SNTG1: variants seen among roughly 807,000 people sequenced by gnomAD.
SNTG1 encodes the protein gamma-1-syntrophin.
SNTG1 carries 39 observed loss-of-function variants against 74.7 expected under a neutral mutation model. That is an observed-to-expected ratio of 0.52 (90% CI 0.40 to 0.68). The LOEUF is 0.68. Ranked by LOEUF, SNTG1 falls within the 30% of genes least tolerant of loss-of-function variation. SNTG1 has a pLI of 0.00. For missense variants in SNTG1, 685 were observed against 609.5 expected (o/e 1.12, Z -1.30); for synonymous variants, 254 against 217.1 (o/e 1.17, Z -1.49).
intron 1 of SNTG1, among the ~76,000 whole-genome samples, chr8:49,945,201 T>G (rs866758494): frequency 1.3e-5 from 2 of 152,194 alleles, no homozygotes; most frequent in Non-Finnish European, 2.9e-5. Flanking sequence ...TCTTTGGATT[T>G]ACATTGTTCA....
rs368921543 is a variant in SNTG1 at position 50,061,104 on chromosome 8, G to T, written c.-102-111457G>T. On this transcript the variant is annotated intron_variant, in intron 1 of 18. Coordinates refer to ENST00000642720, the MANE Select transcript of SNTG1 (RefSeq NM_018967.5). ...ATCTCTTCTTTAATTTTATGAAAGG[G>T]GCTGTGTAAAATTATTGTTAAAAGC... Among the ~76,000 whole-genome samples the T allele has an allele frequency of 5.4e-4, 82 of 152,196 alleles. 2 individuals carry two copies. The highest frequency in any genetic ancestry group is 1.9e-3 in the African/African-American group (81 of 41,544).
chr8:50,486,854 G>A (rs551162293), intron 8 of SNTG1, among the ~76,000 whole-genome samples: 3 of 152,204 alleles, frequency 2.0e-5, no homozygotes, highest in African/African-American at 7.2e-5. Flanking sequence ...AGAGTTTTTA[G>A]CATGAAGCGT....
intron 3 of SNTG1, among the ~76,000 whole-genome samples, chr8:50,395,358 C>T (rs2092713512): frequency 6.6e-6 from 1 of 151,142 alleles, no homozygotes; most frequent in African/African-American, 2.4e-5. Context: ...GTTTACAAAC[C>T]TTTCTCATGT....
chr8:50,669,982 A>T (rs2095271538), intron 15 of SNTG1, among the ~76,000 whole-genome samples: 1 of 152,208 alleles, frequency 6.6e-6, no homozygotes, highest in Non-Finnish European at 1.5e-5. Context: ...CCTTTGACAA[A>T]ATTCAACAAC....
chr8:50,513,945 C>T (rs377640734), intron 9 of SNTG1, among the ~76,000 whole-genome samples: 28 of 152,280 alleles, frequency 1.8e-4, no homozygotes, highest in African/African-American at 6.5e-4. Flanking sequence ...TTGACATTCC[C>T]CAATGAGATG....
chr8:50,046,160 C>T (rs538781061), intron 1 of SNTG1, among the ~76,000 whole-genome samples: 23 of 152,282 alleles, frequency 1.5e-4, no homozygotes, highest in Admixed American at 3.3e-4. Context: ...ATCCTTCTTT[C>T]GACATTTTTC....
rs557061677 is a variant in SNTG1, at chr8:50,768,172, A to G, written c.1395+16061A>G. Reference sequence around the variant, plus strand: ...CCACCATCTCAGGTACTACAGCATCATAAGAGAAATTTTCAAATATATTAA... The same window carrying G: ...CCACCATCTCAGGTACTACAGCATCGTAAGAGAAATTTTCAAATATATTAA... On this transcript the variant is annotated intron_variant, in intron 18 of 18. Coordinates refer to ENST00000642720, the MANE Select transcript of SNTG1 (RefSeq NM_018967.5). Among the ~76,000 whole-genome samples, 164 of 152,102 alleles carry G rather than the reference A, an allele frequency of 1.1e-3. 1 individual carries two copies. The highest frequency in any genetic ancestry group is 3.8e-3 in the African/African-American group (156 of 41,548).
intron 1 of SNTG1, among the ~76,000 whole-genome samples, chr8:50,076,522 G>T (rs1256276123): frequency 1.3e-5 from 2 of 152,028 alleles, no homozygotes; most frequent in Non-Finnish European, 2.9e-5. Context: ...CTATTAAAAT[G>T]AAAAACTGCT....
chr8:50,465,530 T>C (rs1361163681), intron 8 of SNTG1, among the ~76,000 whole-genome samples: 3 of 152,206 alleles, frequency 2.0e-5, no homozygotes, highest in Non-Finnish European at 2.9e-5. Context: ...CACAGTATCA[T>C]GTATGTAGCC....
rs554614289 is a variant in SNTG1 at position 50,016,781 on chromosome 8, T to C, written c.-103+104550T>C. 2.6e-5 allele frequency among the ~76,000 whole-genome samples: 4 copies of C among 152,274 alleles called. 1 individual carries two copies. The South Asian group carries it at 8.3e-4, about 32-fold the overall frequency. On this transcript the variant is annotated intron_variant, in intron 1 of 18. Transcript: ENST00000642720. ...AATAACATAAAGTGAGAAATGTCCATTAAAATGATGTATAACAAACCACAT... is the reference window on the plus strand; with the variant it reads ...AATAACATAAAGTGAGAAATGTCCACTAAAATGATGTATAACAAACCACAT...
intron 8 of SNTG1, among the ~76,000 whole-genome samples, chr8:50,460,418 C>G (rs2093549997): frequency 1.3e-5 from 2 of 152,086 alleles, no homozygotes. Context: ...TGAATATTTT[C>G]TCCCATTCCG....
At chr8:50,085,286 A>G (rs1291709192) in intron 1 of SNTG1, among the ~76,000 whole-genome samples, 1 of 151,782 alleles carries the variant, frequency 6.6e-6, no homozygotes, top group African/African-American at 2.4e-5. Context: ...TGACAACTCC[A>G]TAGCAGCATC....
intron 2 of SNTG1, among the ~76,000 whole-genome samples, chr8:50,235,614 T>A (rs1235737981): frequency 1.3e-5 from 2 of 152,180 alleles, no homozygotes; most frequent in African/African-American, 4.8e-5. Flanking sequence ...TCAACTATGC[T>A]TATTATTGGA....
At chr8:50,714,919 GT>G (rs903602703) in intron 17 of SNTG1, among the ~76,000 whole-genome samples, 6 of 151,878 alleles carry the variant, frequency 4.0e-5, no homozygotes, top group Admixed American at 3.9e-4. Context: ...TTGAACTTTG[GT>G]TTTGTAAAAA....
At chr8:50,025,640 TG>T (rs1563489200) in intron 1 of SNTG1, among the ~76,000 whole-genome samples, 2 of 152,172 alleles carry the variant, frequency 1.3e-5, no homozygotes, top group African/African-American at 4.8e-5. Context: ...AGCCTTTCGA[TG>T]GCAATTCAAG....
intron 2 of SNTG1, among the ~76,000 whole-genome samples, chr8:50,268,865 C>T (rs2087622447): frequency 6.6e-6 from 1 of 151,938 alleles, no homozygotes; most frequent in Admixed American, 6.6e-5. Context: ...TGCTATGTCA[C>T]CCTGGCTGGC....
At chr8:50,002,954 A>G (rs1814882984) in intron 1 of SNTG1, among the ~76,000 whole-genome samples, 1 of 152,198 alleles carries the variant, frequency 6.6e-6, no homozygotes. Context: ...CAACATAGAA[A>G]TGAACTCTGA....
chr8:50,427,624 A>T (rs2093180018), intron 4 of SNTG1, among the ~76,000 whole-genome samples: 1 of 152,128 alleles, frequency 6.6e-6, no homozygotes, highest in Admixed American at 6.6e-5. Context: ...ACAGGGTCTC[A>T]CAATGTTGCT....
chr8:50,443,662 A>G (rs1025618878), intron 5 of SNTG1, among the ~76,000 whole-genome samples: 8 of 152,206 alleles, frequency 5.3e-5, no homozygotes, highest in Non-Finnish European at 7.3e-5. Flanking sequence ...TAAGTAATTC[A>G]TCAATTGTTA....
Sources: gnomAD v4.1 joint callset for allele counts (sites outside exome capture counted in the v4.1 genomes callset) on GRCh38, gnomAD v4.1.1 for gene constraint, MANE v1.5 for transcripts, NCBI Gene and HGNC (gene_info 2026-07-23, HGNC 2026-07-21) for gene names.